PCDH19: variants seen among roughly 807,000 people sequenced by gnomAD.
PCDH19 encodes protocadherin 19, also known as protocadherin-19.
A neutral mutation model predicts 46.2 loss-of-function variants in PCDH19; 6 were observed. The observed-to-expected ratio is 0.13, with a 90% CI of 0.07 to 0.26. The LOEUF is 0.26. PCDH19 is among the 10% of genes least tolerant of loss of function. The probability of loss-of-function intolerance (pLI) is 1.00; values close to 1 mark genes in which losing one functional copy is unlikely to be tolerated. For missense variants in PCDH19, 740 were observed against 972.3 expected (o/e 0.76, Z 3.18); for synonymous variants, 481 against 415.7 (o/e 1.16, Z -1.91).
chrX:100,326,333 AT>A (rs1239571859), intron 5 of PCDH19, among the ~76,000 whole-genome samples: 2 of 112,366 alleles, frequency 1.8e-5, no homozygotes, highest in African/African-American at 6.5e-5. Flanking sequence ...GGAGCTGAGC[AT>A]TTTTCAGTCC....
chrX:100,357,070 TA>T (rs900123378), intron 3 of PCDH19, among the ~76,000 whole-genome samples: 6 of 109,901 alleles, frequency 5.5e-5, no homozygotes, highest in Admixed American at 1.9e-4. Flanking sequence ...CCCTGGGAAT[TA>T]AAAAAAAATA....
rs185988291 is a variant in PCDH19 at position 100,405,162 on chromosome X, G to C, written c.2147+1289C>G. 1.4e-3 allele frequency among the ~76,000 whole-genome samples: 160 copies of C among 112,346 alleles called. 1 individual carries two copies. Among genetic ancestry groups the C allele is most frequent in the Non-Finnish European group, 2.0e-3 (109 of 53,306 alleles). Reference sequence around the variant, plus strand: ...TCAGGGGGCTCTGATTCACAGAAGTGTGCATTTCAGACGGTGTCAAATACA... The same window carrying C: ...TCAGGGGGCTCTGATTCACAGAAGTCTGCATTTCAGACGGTGTCAAATACA... On this transcript the variant is annotated intron_variant, in intron 1 of 5. Coordinates refer to ENST00000373034, the MANE Select transcript of PCDH19 (RefSeq NM_001184880.2).
At chrX:100,357,353 T>G (rs1218974745) in intron 3 of PCDH19, among the ~76,000 whole-genome samples, 2 of 112,036 alleles carry the variant, frequency 1.8e-5, no homozygotes, top group Non-Finnish European at 3.8e-5. Flanking sequence ...ACCCCCATCA[T>G]AAAAGGCAAG....
In PCDH19 at chrX:100,350,670, T is replaced by C. The variant is rs1359397000; in HGVS notation, c.2651A>G (p.Asn884Ser). ...CCTCTTGATTAAATGGGCTCGGCTA[T>C]TCACGTAGTTGGAGTCAAAAGAATA... Reference protein sequence around the residue: ...ENYSFDSNYVNSRAHLIKSSS... With the variant: ...ENYSFDSNYVSSRAHLIKSSS... Residue 884 changes from asparagine (N) to serine (S), a missense_variant, in exon 4 of 6, where the codon AAT becomes AGT. Around this residue, in one of 5 missense-constraint regions of PCDH19, gnomAD observed 416 missense variants for 476.8 expected, o/e 0.87. Transcript: ENST00000373034. The C allele has an allele frequency of 8.4e-7, 1 of 1,189,689 alleles. No homozygotes were observed. Among genetic ancestry groups the C allele is most frequent in the Non-Finnish European group, 1.1e-6 (1 of 876,320 alleles).
chrX:100,295,198 G>C lies in PCDH19; in HGVS notation c.*1079C>G, dbSNP rs1924557004. The C allele has an allele frequency of 8.9e-6, 1 of 112,319 alleles. No individual in the cohort carries two copies. Among genetic ancestry groups the C allele is most frequent in the African/African-American group, 3.2e-5 (1 of 30,816 alleles). 9.3% of individuals were successfully genotyped at this position (112,319 alleles called of 1,213,427 possible). ...TCATGATTGGGAAACACTGAATCAG[G>C]AAGTGTGTGTCTGAAGAGATGCTAA... is the stretch of plus-strand genomic sequence containing the variant. On this transcript the variant is annotated 3_prime_UTR_variant, in exon 6 of 6. Transcript: ENST00000373034.
rs57520956 is a variant in PCDH19 at position 100,322,865 on chromosome X, A to ATTTTTTTT, written c.2848+19037_2848+19038insAAAAAAAA. ...TATATATATATATATATATATATAT[A>ATTTTTTTT]TTTTTGCAGCTATTGTAAAAGGGGT... On this transcript the variant is annotated intron_variant, in intron 5 of 5. Transcript: ENST00000373034. 2.3e-3 allele frequency among the ~76,000 whole-genome samples: 125 copies of ATTTTTTTT among 54,273 alleles called. 4 individuals carry two copies. The highest frequency in any genetic ancestry group is 2.7e-3 in the Admixed American group (13 of 4,837). 47.1% of individuals were successfully genotyped at this position (54,273 alleles called of 115,157 possible). A position where few individuals can be genotyped will look rare whatever the true frequency, so the allele number is the denominator to read the frequency against.
chrX:100,318,810 G>A (rs939772248), intron 5 of PCDH19, among the ~76,000 whole-genome samples: 3 of 110,734 alleles, frequency 2.7e-5, no homozygotes, highest in Admixed American at 1.9e-4. Context: ...GCTCCCAAAT[G>A]GAGGGGAAGG....
chrX:100,292,447 G>A lies in PCDH19; in HGVS notation c.*3830C>T, dbSNP rs1924456576. 1 of 112,614 alleles carries A rather than the reference G, an allele frequency of 8.9e-6. No homozygotes were observed. The highest frequency in any genetic ancestry group is 3.7e-4 in the South Asian group (1 of 2,698). The allele number at this position is 112,614 out of a possible 1,213,427, so 9.3% of individuals were successfully genotyped here. On this transcript the variant is annotated 3_prime_UTR_variant, in exon 6 of 6. Coordinates refer to ENST00000373034, the MANE Select transcript of PCDH19 (RefSeq NM_001184880.2). Reference sequence around the variant, plus strand: ...GGTAAATTTTCTTTGTTTCACAAAAGCAATATGATTCCTATTTGAAATTAA... The same window carrying A: ...GGTAAATTTTCTTTGTTTCACAAAAACAATATGATTCCTATTTGAAATTAA...
rs139332001 is a variant in PCDH19 at position 100,394,883 on chromosome X, ATT to A, written c.2616+7639_2616+7640del. Among the ~76,000 whole-genome samples the A allele has an allele frequency of 3.0e-3, 218 of 71,556 alleles. 1 individual carries two copies. The highest frequency in any genetic ancestry group is 0.018 in the South Asian group (19 of 1,030). The allele number at this position is 71,556 out of a possible 115,157, so 62.1% of individuals were successfully genotyped here. A position where few individuals can be genotyped will look rare whatever the true frequency, so the allele number is the denominator to read the frequency against. ...AAATCTTGTCAATTTGAGGAATCTA[ATT>A]TTTTTTTTTTTTTTTTTTTTGAGAC... On this transcript the variant is annotated intron_variant, in intron 3 of 5. Transcript: ENST00000373034.
intron 1 of PCDH19, among the ~76,000 whole-genome samples, chrX:100,404,506 CAATT>C (rs1245660139): frequency 8.9e-6 from 1 of 111,835 alleles, no homozygotes; most frequent in Non-Finnish European, 1.9e-5. Context: ...CTGTATTAAC[CAATT>C]ATTTAATTAT....
Position 100,291,787 on chromosome X carries a change from T to A in PCDH19, c.*4490A>T, listed in dbSNP as rs759301014. 2 of 113,356 alleles carry A rather than the reference T, an allele frequency of 1.8e-5. No individual in the cohort carries two copies. The highest frequency in any genetic ancestry group is 3.7e-5 in the Non-Finnish European group (2 of 53,375). 9.3% of individuals were successfully genotyped at this position (113,356 alleles called of 1,213,427 possible). On this transcript the variant is annotated 3_prime_UTR_variant, in exon 6 of 6. Transcript: ENST00000373034. ...ACCATTTGAAACATAACTGTAATAA[T>A]TTAATAAAGCTGCTTTATCATCTTC... is the stretch of plus-strand genomic sequence containing the variant.
chrX:100,396,655 C>T (rs910022401), intron 3 of PCDH19, among the ~76,000 whole-genome samples: 9 of 111,978 alleles, frequency 8.0e-5, no homozygotes, highest in Admixed American at 1.9e-4. Context: ...CTAATGTAAA[C>T]TAACTCAGTT....
intron 3 of PCDH19, among the ~76,000 whole-genome samples, chrX:100,388,510 C>T (rs1461837323): frequency 9.1e-6 from 1 of 109,941 alleles, no homozygotes; most frequent in Non-Finnish European, 1.9e-5. Flanking sequence ...AGGATATTTC[C>T]GATGTTTTAT....
chrX:100,296,029 TCTG>T lies in PCDH19; in HGVS notation c.*245_*247del. ...AATACTTTTCACAACTGAATTTGTCTCTGTTTCCCCAACATCAAGGCCCCATGA... is the reference window on the plus strand; with the variant it reads ...AATACTTTTCACAACTGAATTTGTCTTTTCCCCAACATCAAGGCCCCATGA... On this transcript the variant is annotated 3_prime_UTR_variant, in exon 6 of 6. Transcript: ENST00000373034. 2.4e-6 allele frequency: 1 copy of T among 412,646 alleles called. No individual in the cohort carries two copies. Among genetic ancestry groups the T allele is most frequent in the Non-Finnish European group, 4.2e-6 (1 of 237,647 alleles). The allele number at this position is 412,646 out of a possible 1,213,427, so 34.0% of individuals were successfully genotyped here.
intron 3 of PCDH19, among the ~76,000 whole-genome samples, chrX:100,360,689 G>T (rs1457495777): frequency 2.7e-5 from 3 of 111,936 alleles, no homozygotes; most frequent in Non-Finnish European, 5.6e-5. Context: ...CTCTAATTAT[G>T]ACTGTAGTAA....
At chrX:100,318,910 T>C (rs1925392632) in intron 5 of PCDH19, among the ~76,000 whole-genome samples, 1 of 111,378 alleles carries the variant, frequency 9.0e-6, no homozygotes, top group South Asian at 3.8e-4. Flanking sequence ...AGAAATATTC[T>C]TTCCCTCTGT....
Position 100,407,245 on chromosome X carries a change from C to T in PCDH19, c.1353G>A (p.Pro451=), listed in dbSNP as rs373795773. 60 of 1,210,131 alleles carry T rather than the reference C, an allele frequency of 5.0e-5. No homozygotes were observed. In the African/African-American group the frequency reaches 6.5e-4, roughly 13 times the overall value. The change falls in exon 1 of 6, where the codon CCG becomes CCA. Residue 451 remains proline, a synonymous_variant. Coordinates refer to ENST00000373034, the MANE Select transcript of PCDH19 (RefSeq NM_001184880.2). ...CCTGGTAGTAGGGCTTGGAAAAGTG[C>T]GGGTGGTTGTCATTTTCGTCAGTGA... ...VLITDENDNH[P]HFSKPYYQVI... is the part of the protein sequence containing the mutation.
At chrX:100,391,755 T>A in intron 3 of PCDH19, among the ~76,000 whole-genome samples, 1 of 112,354 alleles carries the variant, frequency 8.9e-6, no homozygotes, top group African/African-American at 3.2e-5. Flanking sequence ...CTGATTTCCC[T>A]AGTAATAACA....
intron 5 of PCDH19, among the ~76,000 whole-genome samples, chrX:100,322,865 A>ATATATATATATATATATATATATATTTT: frequency 9.2e-5 from 5 of 54,418 alleles, no homozygotes; most frequent in African/African-American, 4.2e-4. Context: ...ATATATATAT[A>ATATATATATATATATATATATATATTTT]TTTTTGCAGC....
Sources: gnomAD v4.1 joint callset for allele counts (sites outside exome capture counted in the v4.1 genomes callset) on GRCh38, gnomAD v4.1.1 for gene constraint, gnomAD v4.1.1 regional missense constraint, MANE v1.5 for transcripts, NCBI Gene and HGNC (gene_info 2026-07-23, HGNC 2026-07-21) for gene names.